The following DCLRE1C variants were observed in gnomAD, a reference collection of about 807,000 sequenced individuals.
DCLRE1C encodes the protein DNA cross-link repair 1C.
A neutral mutation model predicts 61.4 loss-of-function variants in DCLRE1C; 47 were observed. The ratio of observed to expected loss-of-function variants is 0.77; its 90% confidence interval spans 0.61 to 0.98. DCLRE1C has a LOEUF of 0.98. Ranked by LOEUF, DCLRE1C falls within the 50% of genes least tolerant of loss-of-function variation. The probability of loss-of-function intolerance (pLI) is 0.00; values close to 1 mark genes in which losing one functional copy is unlikely to be tolerated. For missense variants in DCLRE1C, 858 were observed against 816.0 expected, an observed-to-expected ratio of 1.05 and a Z score of -0.63; for synonymous variants, 337 against 287.6, an observed-to-expected ratio of 1.17 and a Z score of -1.74.
chr10:14,941,173 A>C (rs1489322509), intron 3 of DCLRE1C, among the ~76,000 whole-genome samples: 166 of 152,244 alleles, frequency 1.1e-3, no homozygotes, highest in African/African-American at 2.9e-3. Flanking sequence ...CCACTGAGCT[A>C]GTCCTCTTTT....
chr10:14,913,048 G>A (rs941974744), intron 13 of DCLRE1C, among the ~76,000 whole-genome samples: 1 of 151,518 alleles, frequency 6.6e-6, no homozygotes, highest in East Asian at 1.9e-4. Flanking sequence ...GTAGAGACGG[G>A]GTTTCACCGT....
Position 14,929,933 on chromosome 10 carries a change from T to C in DCLRE1C, c.781-1781A>G, listed in dbSNP as rs1055871887. On this transcript the variant is annotated intron_variant, in intron 9 of 13. Coordinates refer to ENST00000378278, the MANE Select transcript of DCLRE1C (RefSeq NM_001033855.3). ...GGAGTGCGTGACCTAAAAAAATCTT[T>C]TAAGCGGCTAGAAATAGCATCTCAA... 2.1e-4 allele frequency among the ~76,000 whole-genome samples: 32 copies of C among 152,160 alleles called. 1 individual carries two copies. Among genetic ancestry groups the C allele is most frequent in the Admixed American group, 8.5e-4 (13 of 15,268 alleles).
At chr10:14,919,961 T>C in intron 12 of DCLRE1C, 129 bp from the exon 13 acceptor site, 3 of 755,794 alleles carry the variant, frequency 4.0e-6, no homozygotes, top group Non-Finnish European at 6.8e-6. Flanking sequence ...TAACAAAATC[T>C]TGACCATAAG....
intron 6 of DCLRE1C, among the ~76,000 whole-genome samples, chr10:14,935,133 C>T (rs529211134): frequency 7.2e-5 from 11 of 152,018 alleles, no homozygotes; most frequent in South Asian, 4.2e-4. Context: ...GGATTACACC[C>T]GGCCAGAGCA....
intron 9 of DCLRE1C, 58 bp from the exon 10 acceptor site, chr10:14,928,210 G>A: frequency 6.5e-7 from 1 of 1,528,778 alleles, no homozygotes; most frequent in Non-Finnish European, 8.9e-7. Context: ...ATCTGTTGTA[G>A]GCAGAGTCTC....
Position 14,906,290 on chromosome 10 carries a change from G to A in DCLRE1C, c.*2118C>T, listed in dbSNP as rs1173231563. Among the ~76,000 whole-genome samples, 3 of 152,202 alleles carry A rather than the reference G, an allele frequency of 2.0e-5. No homozygotes were observed. The highest frequency in any genetic ancestry group is 7.2e-5 in the African/African-American group (3 of 41,458). On this transcript the variant is annotated 3_prime_UTR_variant, in exon 14 of 14. Coordinates refer to ENST00000378278, the MANE Select transcript of DCLRE1C (RefSeq NM_001033855.3). The stretch of plus-strand genomic sequence containing the variant: ...CATATAGTCTGTAAAAAACTTAAGA[G>A]CATCATCAGAGTAAGCACCAAATAT...
At chr10:14,904,295 A>T (rs867899351), downstream of DCLRE1C, 1 of 141,110 alleles carries the variant, frequency 7.1e-6, no homozygotes. Context: ...ACACAGTAAG[A>T]CTGTCTCCAA....
chr10:14,901,036 T>TA (rs2131722102), downstream of DCLRE1C: 1 of 1,485,724 alleles, frequency 6.7e-7, no homozygotes, highest in East Asian at 2.3e-5. Flanking sequence ...CAGTGGAACT[T>TA]AAACTAAATC....
chr10:14,909,517 C>G (rs908250027), intron 13 of DCLRE1C, among the ~76,000 whole-genome samples, 187 bp from the exon 14 acceptor site: 3 of 151,254 alleles, frequency 2.0e-5, no homozygotes, highest in Non-Finnish European at 4.4e-5. Flanking sequence ...TAATAAATGC[C>G]AGAGTATCAG....
At position 14,905,666 on chromosome 10, in the gene DCLRE1C, C is replaced by T. The variant is rs12265434; in HGVS notation, c.*2742G>A. ...AATGTGGCTGACTGCTGAGTGTCTT[C>T]TGTGATACATCTTGGCATTTTGAAA... On this transcript the variant is annotated 3_prime_UTR_variant, in exon 14 of 14. Coordinates refer to ENST00000378278, the MANE Select transcript of DCLRE1C (RefSeq NM_001033855.3). 1.6e-3 allele frequency among the ~76,000 whole-genome samples: 240 copies of T among 152,340 alleles called. No homozygotes were observed. The highest frequency in any genetic ancestry group is 5.3e-3 in the African/African-American group (222 of 41,574).
upstream of DCLRE1C, chr10:14,954,258 C>A: frequency 3.3e-6 from 2 of 609,370 alleles, no homozygotes; most frequent in Non-Finnish European, 5.8e-6. Flanking sequence ...CTGAGCCCTG[C>A]CCAGTGCAAG....
chr10:14,910,735 G>A (rs760726358), intron 13 of DCLRE1C, among the ~76,000 whole-genome samples: 1 of 152,142 alleles, frequency 6.6e-6, no homozygotes, highest in Non-Finnish European at 1.5e-5. Context: ...AGGCACAAAA[G>A]ATTAAAGGAA....
rs1195160150 is a variant in DCLRE1C at position 14,909,316 on chromosome 10, A to G, written c.1171T>C (p.Tyr391His). 4 of 1,613,676 alleles carry G rather than the reference A, an allele frequency of 2.5e-6. No individual in the cohort carries two copies. The South Asian group carries it at 4.4e-5, about 18-fold the overall frequency. The change falls in exon 14 of 14, where the codon TAT becomes CAT. Residue 391 changes from tyrosine to histidine, a missense_variant. Tyr to His is a moderately conservative substitution (Grantham distance 83). Coordinates refer to ENST00000378278, the MANE Select transcript of DCLRE1C (RefSeq NM_001033855.3). ...ATTGGCAGAGGATCATCAAAGAGAT[A>G]GTCATCTTCCTCCTCTGTGGGACAA... ...VHRDSEEEDDYLFDDPLPIPL... is the reference protein window; with the variant it reads ...VHRDSEEEDDHLFDDPLPIPL...
At chr10:14,914,322 G>A (rs979008431) in intron 13 of DCLRE1C, among the ~76,000 whole-genome samples, 1 of 152,144 alleles carries the variant, frequency 6.6e-6, no homozygotes, top group Admixed American at 6.5e-5. Flanking sequence ...CCCTCAAGAG[G>A]ATATAAGAAT....
rs1182152385 is a variant in DCLRE1C at position 14,936,464 on chromosome 10, C to T, written c.362+74G>A. The T allele has an allele frequency of 1.4e-5, 17 of 1,230,828 alleles. No homozygotes were observed. The East Asian group carries it at 3.9e-4, about 28-fold the overall frequency. 76.2% of individuals were successfully genotyped at this position (1,230,828 alleles called of 1,614,324 possible). A position where few individuals can be genotyped will look rare whatever the true frequency, so the allele number is the denominator to read the frequency against. ...CACCCAGCCCCCTATTAATTTTAGA[C>T]CCTAAAAATTTATTTCTACAAATAC... On this transcript the variant is annotated intron_variant, in intron 5 of 13. Coordinates refer to ENST00000378278, the MANE Select transcript of DCLRE1C (RefSeq NM_001033855.3).
Position 14,908,546 on chromosome 10 carries a change from G to A in DCLRE1C, c.1941C>T (p.Ser647=). ...TTGAGGGAACTTCAAAATCAGAAGA[G>A]CTCTGGGAATCTGCATTTGTGCTAA... is the stretch of plus-strand genomic sequence containing the variant. ...LNLSTNADSQ[S]SSDFEVPSTP... The change falls in exon 14 of 14, where the codon AGC becomes AGT. Residue 647 remains serine, a synonymous_variant. Transcript: ENST00000378278. 1.9e-6 allele frequency: 3 copies of A among 1,614,192 alleles called. No homozygotes were observed. Among genetic ancestry groups the A allele is most frequent in the East Asian group, 2.2e-5 (1 of 44,870 alleles).
intron 3 of DCLRE1C, among the ~76,000 whole-genome samples, chr10:14,944,673 CTTTTTTTTTT>C (rs1165126470): frequency 2.8e-4 from 33 of 117,740 alleles, no homozygotes; most frequent in Admixed American, 1.2e-3. Context: ...TTTTTTTTTT[CTTTTTTTTTT>C]TTTTTTTTTT....
At chr10:14,904,324 T>TC (rs2131735324), downstream of DCLRE1C, 1 of 146,288 alleles carries the variant, frequency 6.8e-6, no homozygotes, top group Admixed American at 6.8e-5. Context: ...AATTTTTTTT[T>TC]TTTTTTTTTT....
chr10:14,904,671 C>T lies in DCLRE1C; in HGVS notation c.*3737G>A, dbSNP rs1834247278. Among the ~76,000 whole-genome samples the T allele has an allele frequency of 6.6e-6, 1 of 152,094 alleles. No homozygotes were observed. Among genetic ancestry groups the T allele is most frequent in the Admixed American group, 6.5e-5 (1 of 15,274 alleles). ...TGGGCCTTTGGGATCTTAAGTACTA[C>T]TTATGTTACCTTTGTTATTCAGATG... On this transcript the variant is annotated 3_prime_UTR_variant, in exon 14 of 14. Coordinates refer to ENST00000378278, the MANE Select transcript of DCLRE1C (RefSeq NM_001033855.3).
Sources: allele counts gnomAD v4.1 joint callset (sites outside exome capture counted in the v4.1 genomes callset), GRCh38; gene constraint gnomAD v4.1.1; transcripts MANE v1.5; gene names NCBI Gene and HGNC (gene_info 2026-07-23, HGNC 2026-07-21).